BORCS5: variants seen among roughly 807,000 people sequenced by gnomAD.
BORCS5 encodes the protein BLOC-1-related complex subunit 5.
In BORCS5, 17 loss-of-function variants were observed where a neutral mutation model predicts 22.1. The ratio of observed to expected loss-of-function variants is 0.77; its 90% CI spans 0.53 to 1.15. The LOEUF is 1.15. Among genes scored for constraint, BORCS5 ranks in the 50% most tolerant of loss-of-function variants. The pLI is 0.00. For missense variants in BORCS5, 247 were observed against 253.2 expected, an observed-to-expected ratio of 0.98 and a Z score of 0.17; for synonymous variants, 117 against 99.8, an observed-to-expected ratio of 1.17 and a Z score of -1.03.
In BORCS5 at chr12:12,463,632, G is replaced by A. The variant is rs116835791; in HGVS notation, c.361-1914G>A. Among the ~76,000 whole-genome samples, 8 of 152,226 alleles carry A rather than the reference G, an allele frequency of 5.3e-5. No individual in the cohort carries two copies. In the South Asian group the frequency reaches 1.7e-3, roughly 32 times the overall value. On this transcript the variant is annotated intron_variant, in intron 3 of 3. Transcript: ENST00000314565. The stretch of plus-strand genomic sequence containing the variant: ...TGGAAGTAAGACATGATGTCAGCAC[G>A]CATGAACAACCTGTTTGAACTCAGT...
intron 2 of BORCS5, among the ~76,000 whole-genome samples, chr12:12,369,099 T>C (rs1863466201): frequency 6.6e-6 from 1 of 152,164 alleles, no homozygotes; most frequent in Non-Finnish European, 1.5e-5. Flanking sequence ...GTTTCTACTT[T>C]GTGTGTTTTG....
chr12:12,361,300 C>G lies in BORCS5; in HGVS notation c.153C>G (p.Pro51=), dbSNP rs368141493. 6.2e-7 allele frequency: 1 copy of G among 1,614,136 alleles called. No homozygotes were observed. The highest frequency in any genetic ancestry group is 8.5e-7 in the Non-Finnish European group (1 of 1,180,030). ...SQASRNVSND[P]DVIKLQEIPT... is the part of the protein sequence containing the mutation. ...CCTCACGGAACGTCAGCAACGATCCCGATGTCATCAAGTTGCAAGAGATTC... is the reference window on the plus strand; with the variant it reads ...CCTCACGGAACGTCAGCAACGATCCGGATGTCATCAAGTTGCAAGAGATTC... Residue 51 remains proline (P), a synonymous_variant, in exon 2 of 4, where the codon CCC becomes CCG. Transcript: ENST00000314565.
At chr12:12,364,594 A>G (rs116726955) in intron 2 of BORCS5, among the ~76,000 whole-genome samples, 950 of 56,142 alleles carry the variant, frequency 0.017, 18 homozygotes, top group African/African-American at 0.035. Context: ...GGTCAGCTGT[A>G]ATTCGTTTTA....
intron 3 of BORCS5, among the ~76,000 whole-genome samples, chr12:12,447,081 C>T (rs909754444): frequency 7.2e-5 from 11 of 152,190 alleles, no homozygotes; most frequent in Non-Finnish European, 1.0e-4. Context: ...TGGAAGTTTA[C>T]GAATTCTCTC....
At chr12:12,410,555 C>G (rs1393073053) in intron 2 of BORCS5, among the ~76,000 whole-genome samples, 1 of 151,818 alleles carries the variant, frequency 6.6e-6, no homozygotes, top group Non-Finnish European at 1.5e-5. Context: ...GGCATTATTT[C>G]TGAGGGCTCT....
At chr12:12,377,022 T>C (rs1863669752) in intron 2 of BORCS5, among the ~76,000 whole-genome samples, 1 of 152,180 alleles carries the variant, frequency 6.6e-6, no homozygotes, top group Non-Finnish European at 1.5e-5. Context: ...CTTATTTTAG[T>C]GTTTATCAGG....
chr12:12,430,373 G>A lies in BORCS5; in HGVS notation c.203-5255G>A, dbSNP rs144351624. Among the ~76,000 whole-genome samples the A allele has an allele frequency of 5.2e-3, 790 of 152,038 alleles. 16 individuals carry two copies. The highest frequency in any genetic ancestry group is 3.6e-3 in the Non-Finnish European group (247 of 67,984). On this transcript the variant is annotated intron_variant, in intron 2 of 3. Transcript: ENST00000314565. ...TCACCATGTTAGCCAGGGTGGTCTC[G>A]ATCTCCTGACCTCGTGATTCGCCTG...
Position 12,361,232 on chromosome 12 carries a change from G to A in BORCS5, c.85G>A (p.Ala29Thr). ...GACTCCTTCACCAGCCAAGCATAGAGCCAAGATGGATGATATTGTGGTTGT... is the reference window on the plus strand; with the variant it reads ...GACTCCTTCACCAGCCAAGCATAGAACCAAGATGGATGATATTGTGGTTGT... ...SVTPSPAKHR[A>T]KMDDIVVVAQ... The change falls in exon 2 of 4, where the codon GCC becomes ACC. Residue 29 changes from alanine (A) to threonine (T), a missense_variant. By Grantham distance (58) the Ala-to-Thr change is moderately conservative. Coordinates refer to ENST00000314565, the MANE Select transcript of BORCS5 (RefSeq NM_058169.6). 6.2e-7 allele frequency: 1 copy of A among 1,614,158 alleles called. No homozygotes were observed. The highest frequency in any genetic ancestry group is 1.7e-5 in the Admixed American group (1 of 59,988).
intron 2 of BORCS5, among the ~76,000 whole-genome samples, chr12:12,410,920 T>G (rs1941716358): frequency 2.5e-5 from 2 of 80,534 alleles, no homozygotes; most frequent in East Asian, 4.2e-4. Context: ...TGGTTTGTAC[T>G]TCTCCTTGAA....
At chr12:12,429,278 T>C (rs1028573796) in intron 2 of BORCS5, among the ~76,000 whole-genome samples, 3 of 152,226 alleles carry the variant, frequency 2.0e-5, no homozygotes, top group African/African-American at 4.8e-5. Context: ...GGCGTAGCTA[T>C]CAATACGAGA....
Position 12,468,680 on chromosome 12 carries a change from C to A in BORCS5, c.*2904C>A, listed in dbSNP as rs1270753332. On this transcript the variant is annotated 3_prime_UTR_variant, in exon 4 of 4. Transcript: ENST00000314565. ...CTCCCAAGGTGCAGCTGCTTTTCTT[C>A]CTTTTAATTATAAATTAGCTGTTCA... The A allele has an allele frequency of 6.6e-6, 1 of 152,200 alleles. No individual in the cohort carries two copies. The highest frequency in any genetic ancestry group is 1.9e-4 in the East Asian group (1 of 5,196). The allele number at this position is 152,200 out of a possible 1,614,324, so 9.4% of individuals were successfully genotyped here.
chr12:12,462,595 C>T (rs1331603722), intron 3 of BORCS5, among the ~76,000 whole-genome samples: 1 of 152,190 alleles, frequency 6.6e-6, no homozygotes, highest in African/African-American at 2.4e-5. Context: ...CAAACAGCTT[C>T]GTGGTTGCCC....
intron 3 of BORCS5, among the ~76,000 whole-genome samples, chr12:12,442,898 C>T (rs116533313): frequency 0.019 from 2,842 of 152,198 alleles, 95 homozygotes; most frequent in African/African-American, 0.063. Context: ...TCATCGGTAC[C>T]GTAATGTTTA....
chr12:12,362,902 C>T (rs1402602587), intron 2 of BORCS5, among the ~76,000 whole-genome samples: 6 of 151,874 alleles, frequency 4.0e-5, no homozygotes, highest in East Asian at 1.9e-4. Context: ...CCACCCACCT[C>T]GGCCTCCCAA....
intron 3 of BORCS5, among the ~76,000 whole-genome samples, chr12:12,444,232 A>G (rs1942739528): frequency 6.6e-6 from 1 of 152,260 alleles, no homozygotes; most frequent in African/African-American, 2.4e-5. Flanking sequence ...TGCATTAGGT[A>G]GAGTAAGCTA....
At chr12:12,441,720 ATTT>A (rs5796491) in intron 3 of BORCS5, among the ~76,000 whole-genome samples, 4 of 147,718 alleles carry the variant, frequency 2.7e-5, no homozygotes, top group Non-Finnish European at 6.0e-5. Context: ...CAAAAAAAAA[ATTT>A]TTTTTTTTTT....
intron 3 of BORCS5, among the ~76,000 whole-genome samples, chr12:12,443,856 C>G (rs1466265970): frequency 6.6e-6 from 1 of 152,194 alleles, no homozygotes; most frequent in Non-Finnish European, 1.5e-5. Context: ...TGTTCTTCTC[C>G]CTCCCCTGCT....
rs1943194373 is a variant in BORCS5, at chr12:12,465,934, C to T, written c.*158C>T. The T allele has an allele frequency of 1.3e-5, 8 of 616,096 alleles. No individual in the cohort carries two copies. Among genetic ancestry groups the T allele is most frequent in the South Asian group, 1.0e-4 (5 of 49,510 alleles). 38.2% of individuals were successfully genotyped at this position (616,096 alleles called of 1,614,324 possible). On this transcript the variant is annotated 3_prime_UTR_variant, in exon 4 of 4. Transcript: ENST00000314565. ...CGGCTGGCATGAAAATCTGACTTTG[C>T]CCAGCTCTTTTCCTTGATGCAGTTT... is the stretch of plus-strand genomic sequence containing the variant.
intron 2 of BORCS5, among the ~76,000 whole-genome samples, chr12:12,409,602 G>A (rs966755378): frequency 6.6e-6 from 1 of 152,100 alleles, no homozygotes; most frequent in African/African-American, 2.4e-5. Context: ...GTATATATGT[G>A]CCACATTTTC....
Sources: gnomAD v4.1 joint callset for allele counts (sites outside exome capture counted in the v4.1 genomes callset) on GRCh38, gnomAD v4.1.1 for gene constraint, MANE v1.5 for transcripts, NCBI Gene and HGNC (gene_info 2026-07-23, HGNC 2026-07-21) for gene names.